Variants in CCDC91 observed in about 807,000 individuals in gnomAD.
CCDC91 encodes coiled-coil domain containing 91.
A neutral mutation model predicts 63.2 loss-of-function variants in CCDC91; 48 were observed. That is an observed-to-expected ratio of 0.76 (90% CI 0.60 to 0.97). The LOEUF is 0.97. CCDC91 is among the 50% of genes least tolerant of loss of function. The pLI is 0.00. For missense variants in CCDC91, 500 were observed against 494.6 expected (o/e 1.01, Z -0.10); for synonymous variants, 167 against 165.8 (o/e 1.01, Z -0.06).
At chr12:28,410,532 G>GT (rs1358325216) in intron 8 of CCDC91, among the ~76,000 whole-genome samples, 1 of 151,226 alleles carries the variant, frequency 6.6e-6, no homozygotes, top group African/African-American at 2.5e-5. Flanking sequence ...TTGTTTGTTT[G>GT]TTTTTTTGAG....
intron 12 of CCDC91, among the ~76,000 whole-genome samples, chr12:28,503,757 A>G (rs1465651944): frequency 6.6e-6 from 1 of 152,182 alleles, no homozygotes; most frequent in African/African-American, 2.4e-5. Context: ...ATGCAGCCAT[A>G]AAAAATGATG....
chr12:28,399,919 G>A (rs1946514646), intron 8 of CCDC91, among the ~76,000 whole-genome samples: 1 of 152,208 alleles, frequency 6.6e-6, no homozygotes, highest in Non-Finnish European at 1.5e-5. Context: ...GGCATTGAGT[G>A]TGGCTTTTCC....
At chr12:28,450,512 C>A in intron 10 of CCDC91, 94 bp downstream of exon 10, 1 of 919,948 alleles carries the variant, frequency 1.1e-6, no homozygotes, top group Non-Finnish European at 1.7e-6. Flanking sequence ...TAAAATGTTT[C>A]ATTCCATAAA....
At chr12:28,485,795 G>A (rs1951695385) in intron 12 of CCDC91, among the ~76,000 whole-genome samples, 1 of 152,088 alleles carries the variant, frequency 6.6e-6, no homozygotes, top group African/African-American at 2.4e-5. Context: ...ATTTCCATAT[G>A]TACCTACAAA....
intron 10 of CCDC91, among the ~76,000 whole-genome samples, chr12:28,450,958 T>G (rs1949775667): frequency 6.6e-6 from 1 of 151,756 alleles, no homozygotes; most frequent in African/African-American, 2.4e-5. Flanking sequence ...TCTTAAATAA[T>G]TTATAATCAG....
chr12:28,290,219 A>G (rs1207444502), intron 3 of CCDC91, among the ~76,000 whole-genome samples: 4 of 152,216 alleles, frequency 2.6e-5, no homozygotes, highest in Non-Finnish European at 4.4e-5. Flanking sequence ...CATTTAAGAT[A>G]GATCTTATTG....
chr12:28,193,298 G>T (rs2121218249), intron 1 of CCDC91, among the ~76,000 whole-genome samples: 1 of 152,256 alleles, frequency 6.6e-6, no homozygotes, highest in South Asian at 2.1e-4. Context: ...GCAAGTGCAT[G>T]TTTAACCTTA....
chr12:28,396,697 TTTGTGACACAAACACATATA>T (rs1946317491), intron 8 of CCDC91, among the ~76,000 whole-genome samples: 1 of 151,668 alleles, frequency 6.6e-6, no homozygotes, highest in Non-Finnish European at 1.5e-5. Flanking sequence ...TGTGTGTGTG[TTTGTGACACAAACACATATA>T]TTTTATATAT....
At chr12:28,476,761 G>A (rs1389904847) in intron 11 of CCDC91, among the ~76,000 whole-genome samples, 4 of 151,960 alleles carry the variant, frequency 2.6e-5, no homozygotes, top group Admixed American at 2.0e-4. Flanking sequence ...TAATCAAATA[G>A]ATGCAATAAA....
chr12:28,235,415 G>A (rs1944879379), intron 1 of CCDC91, among the ~76,000 whole-genome samples: 1 of 152,018 alleles, frequency 6.6e-6, no homozygotes, highest in Admixed American at 6.6e-5. Flanking sequence ...GGAACACATA[G>A]GTCTACATTT....
chr12:28,389,675 T>C (rs536459013), intron 7 of CCDC91, among the ~76,000 whole-genome samples: 1 of 152,106 alleles, frequency 6.6e-6, no homozygotes, highest in African/African-American at 2.4e-5. Context: ...ATATTTAAAT[T>C]GTGGGATTAT....
At chr12:28,462,930 G>C (rs1194846245) in intron 11 of CCDC91, among the ~76,000 whole-genome samples, 1 of 152,092 alleles carries the variant, frequency 6.6e-6, no homozygotes, top group Admixed American at 6.6e-5. Flanking sequence ...CAGGAAGAAG[G>C]AGAAGTAGGC....
chr12:28,219,669 T>C (rs1385648177), intron 1 of CCDC91, among the ~76,000 whole-genome samples: 1 of 152,038 alleles, frequency 6.6e-6, no homozygotes, highest in Non-Finnish European at 1.5e-5. Context: ...GAGACGGGGT[T>C]TCACTGTGCT....
At chr12:28,228,557 A>G (rs36097532) in intron 1 of CCDC91, among the ~76,000 whole-genome samples, 42,935 of 151,882 alleles carry the variant, frequency 0.28, 6,467 homozygotes, top group East Asian at 0.57. Flanking sequence ...TGGGAAATTT[A>G]TAGTTGGAGA....
At chr12:28,527,807 G>A (rs950337505) in intron 12 of CCDC91, among the ~76,000 whole-genome samples, 6 of 152,072 alleles carry the variant, frequency 3.9e-5, no homozygotes, top group Non-Finnish European at 8.8e-5. Flanking sequence ...AGGTTCCCAC[G>A]TCAGTGGAAT....
intron 6 of CCDC91, among the ~76,000 whole-genome samples, chr12:28,361,706 T>G (rs1439251588): frequency 1.3e-5 from 2 of 152,116 alleles, no homozygotes; most frequent in Admixed American, 1.3e-4. Flanking sequence ...ATTCCAGTTC[T>G]CTGGTGAAAA....
chr12:28,317,372 A>T (rs561754887), intron 6 of CCDC91, among the ~76,000 whole-genome samples: 2 of 152,186 alleles, frequency 1.3e-5, no homozygotes, highest in Non-Finnish European at 2.9e-5. Flanking sequence ...GGTTAAACAC[A>T]TGCTTTCCAT....
chr12:28,362,991 T>A (rs1944003577), intron 7 of CCDC91, among the ~76,000 whole-genome samples: 1 of 152,184 alleles, frequency 6.6e-6, no homozygotes, highest in African/African-American at 2.4e-5. Context: ...AAAATTATTT[T>A]AAAAATTATT....
At chr12:28,278,037 C>T (rs1948361553) in intron 3 of CCDC91, among the ~76,000 whole-genome samples, 1 of 152,014 alleles carries the variant, frequency 6.6e-6, no homozygotes, top group African/African-American at 2.4e-5. Context: ...ACATTTTCTC[C>T]ATCTCCGCAT....
Sources: gnomAD v4.1 joint callset for allele counts (sites outside exome capture counted in the v4.1 genomes callset) on GRCh38, gnomAD v4.1.1 for gene constraint, MANE v1.5 for transcripts, NCBI Gene and HGNC (gene_info 2026-07-23, HGNC 2026-07-21) for gene names.